Variants in PLCXD1 observed in about 807,000 individuals in gnomAD.
The protein encoded by PLCXD1 is PI-PLC X domain-containing protein 1.
In PLCXD1, 45 loss-of-function variants were observed where a neutral mutation model predicts 37.8. The observed-to-expected ratio is 1.19, with a 90% CI of 0.94 to 1.53. The LOEUF (loss-of-function observed/expected upper bound fraction) is 1.53. Ranked by LOEUF, PLCXD1 falls within the 40% of genes most tolerant of loss-of-function variation. The probability of loss-of-function intolerance (pLI) is 0.00; values close to 1 mark genes in which losing one functional copy is unlikely to be tolerated. For missense variants in PLCXD1, 539 were observed against 454.7 expected (o/e 1.19, Z -1.69); for synonymous variants, 246 against 206.9 (o/e 1.19, Z -1.62).
rs140991275 is a variant in PLCXD1, at chrX:293,130, G to T, written c.645G>T (p.Trp215Cys). The change falls in exon 6 of 7, where the codon TGG becomes TGT. Residue 215 changes from tryptophan to cysteine, a missense_variant. By Grantham distance (215) the Trp-to-Cys change is radical (BLOSUM62 -2). Transcript: ENST00000381657. The part of the protein sequence containing the change: ...ESSLRRHHEL[W>C]PGVPYWWGNR... Reference sequence around the variant, plus strand: ...CCTTGCGCCGGCACCACGAGCTGTGGCCAGGAGTCCCCTACTGGTGGGGAA... The same window carrying T: ...CCTTGCGCCGGCACCACGAGCTGTGTCCAGGAGTCCCCTACTGGTGGGGAA... The T allele has an allele frequency of 6.2e-7, 1 of 1,612,178 alleles. No individual in the cohort carries two copies. Among genetic ancestry groups the T allele is most frequent in the Non-Finnish European group, 8.5e-7 (1 of 1,179,482 alleles).
chrX:300,578 GTATATGTGTTTATACATGTA>G lies in PLCXD1; in HGVS notation c.*1247_*1266del, dbSNP rs2069983641. ...TGCATGTATATGTGTATGTGTACAT[GTATATGTGTTTATACATGTA>G]TATGTGTGTATGCGTGTATACGTGT... is the stretch of plus-strand genomic sequence containing the variant. On this transcript the variant is annotated 3_prime_UTR_variant, in exon 7 of 7. Coordinates refer to ENST00000381657, the MANE Select transcript of PLCXD1 (RefSeq NM_018390.4). 3 of 149,150 alleles carry G rather than the reference GTATATGTGTTTATACATGTA, an allele frequency of 2.0e-5. No homozygotes were observed. Among genetic ancestry groups the G allele is most frequent in the Non-Finnish European group, 3.0e-5 (2 of 67,614 alleles). 9.2% of individuals were successfully genotyped at this position (149,150 alleles called of 1,614,324 possible). A position where few individuals can be genotyped will look rare whatever the true frequency, so the allele number is the denominator to read the frequency against.
chrX:293,083 G>A lies in PLCXD1; in HGVS notation c.598G>A (p.Val200Ile), dbSNP rs758579960. 2.2e-5 allele frequency: 36 copies of A among 1,611,530 alleles called. No individual in the cohort carries two copies. The highest frequency in any genetic ancestry group is 4.3e-4 in the Middle Eastern group (2 of 4,656). Reference protein sequence around the residue: ...QLWSRGQQVIVSYEDESSLRR... With the variant: ...QLWSRGQQVIISYEDESSLRR... ...GTGGTCCCGGGGCCAACAGGTCATC[G>A]TCTCCTATGAAGACGAGAGCTCCTT... is the stretch of plus-strand genomic sequence containing the variant. The change falls in exon 6 of 7, where the codon GTC (valine) becomes ATC (isoleucine). Residue 200 changes from valine to isoleucine, a missense_variant. Physicochemically the swap from Val to Ile is conservative, Grantham distance 29. Transcript: ENST00000381657.
chrX:281,282 A>C (rs1014549999), upstream of PLCXD1: 1 of 175,986 alleles, frequency 5.7e-6, no homozygotes, highest in African/African-American at 2.4e-5. Flanking sequence ...TTGGAGAAAG[A>C]GGCTGAGCTG....
chrX:283,041 A>G (rs976441149), intron 1 of PLCXD1: 5 of 135,038 alleles, frequency 3.7e-5, no homozygotes, highest in Non-Finnish European at 6.2e-5. Flanking sequence ...TAATATGTAT[A>G]TATGTATATA....
upstream of PLCXD1, among the ~76,000 whole-genome samples, chrX:279,559 G>A (rs752890657): frequency 3.9e-5 from 6 of 152,304 alleles, no homozygotes; most frequent in East Asian, 1.2e-3. Context: ...ATCACCTGAA[G>A]TCAGGAGTTC....
intron 5 of PLCXD1, among the ~76,000 whole-genome samples, 159 bp downstream of exon 5, chrX:291,813 C>A (rs754351344): frequency 3.3e-5 from 5 of 152,130 alleles, no homozygotes; most frequent in Non-Finnish European, 7.3e-5. Flanking sequence ...TGTGGGGGGC[C>A]CTGGCTGACC....
chrX:288,175 A>G (rs1452167719), intron 2 of PLCXD1, among the ~76,000 whole-genome samples: 2 of 151,678 alleles, frequency 1.3e-5, no homozygotes, highest in East Asian at 2.0e-4. Context: ...CATCTTGAGC[A>G]TTTTGAGAGC....
chrX:292,653 C>T (rs1226550965), intron 5 of PLCXD1, among the ~76,000 whole-genome samples: 1 of 151,274 alleles, frequency 6.6e-6, no homozygotes, highest in Non-Finnish European at 1.5e-5. Context: ...CGGTCTGTCT[C>T]CCAGGCTGGA....
chrX:292,226 C>T (rs1463942788), intron 5 of PLCXD1, among the ~76,000 whole-genome samples: 7 of 151,896 alleles, frequency 4.6e-5, no homozygotes, highest in East Asian at 1.9e-4. Context: ...GAGGCCGAGG[C>T]GGGCGGATCA....
chrX:282,313 C>T (rs1377752529), intron 1 of PLCXD1, among the ~76,000 whole-genome samples: 12 of 149,894 alleles, frequency 8.0e-5, no homozygotes, highest in East Asian at 2.0e-4. Flanking sequence ...ACCTGGGAGG[C>T]GGAGGTTGCA....
At chrX:291,311 A>C (rs1300568657) in intron 4 of PLCXD1, among the ~76,000 whole-genome samples, 188 bp from the exon 5 acceptor site, 1 of 151,844 alleles carries the variant, frequency 6.6e-6, no homozygotes, top group Non-Finnish European at 1.5e-5. Context: ...ACGCCCAGCT[A>C]ATTTTTGTAT....
chrX:288,790 A>T lies in PLCXD1; in HGVS notation c.185A>T (p.Glu62Val), dbSNP rs764054943. Reference sequence around the variant, plus strand: ...AAGAAGTCCCCCATTTCGCACGAGGAGTCCCGGCTGCTGCAGCTGCTGAAC... The same window carrying T: ...AAGAAGTCCCCCATTTCGCACGAGGTGTCCCGGCTGCTGCAGCTGCTGAAC... ...LNKKSPISHEESRLLQLLNKA... is the reference protein window; with the variant it reads ...LNKKSPISHEVSRLLQLLNKA... The change falls in exon 3 of 7, where the codon GAG becomes GTG. Residue 62 changes from glutamate to valine, a missense_variant. Coordinates refer to ENST00000381657, the MANE Select transcript of PLCXD1 (RefSeq NM_018390.4). 6.2e-7 allele frequency: 1 copy of T among 1,613,772 alleles called. No individual in the cohort carries two copies. The highest frequency in any genetic ancestry group is 8.5e-7 in the Non-Finnish European group (1 of 1,179,688).
chrX:288,950 C>T, intron 3 of PLCXD1, 81 bp downstream of exon 3: 1 of 1,396,196 alleles, frequency 7.2e-7, no homozygotes, highest in South Asian at 1.2e-5. Context: ...AATGGCCCCT[C>T]ACCCAGGTAG....
chrX:279,205 C>T (rs1392965075), upstream of PLCXD1, among the ~76,000 whole-genome samples: 6 of 152,066 alleles, frequency 3.9e-5, no homozygotes, highest in Admixed American at 1.3e-4. Context: ...GGAGAACTCA[C>T]GATAGTAAAA....
intron 3 of PLCXD1, among the ~76,000 whole-genome samples, chrX:289,140 T>G (rs1422394854): frequency 1.3e-5 from 2 of 152,138 alleles, no homozygotes; most frequent in East Asian, 3.9e-4. Flanking sequence ...CGGGCTGGAG[T>G]GCAGTGGCGT....
chrX:299,469 G>A lies in PLCXD1; in HGVS notation c.*134G>A, dbSNP rs2069931477. The A allele has an allele frequency of 1.4e-6, 1 of 740,360 alleles. No homozygotes were observed. The highest frequency in any genetic ancestry group is 2.3e-6 in the Non-Finnish European group (1 of 431,244). 45.9% of individuals were successfully genotyped at this position (740,360 alleles called of 1,614,324 possible). The stretch of plus-strand genomic sequence containing the variant: ...ATACGTTTTCATTTTCTTTAAAATA[G>A]AGATGGGGTGGCTGGGCGTGGTGAC... On this transcript the variant is annotated 3_prime_UTR_variant, in exon 7 of 7. Transcript: ENST00000381657.
In PLCXD1 at chrX:292,967, C is replaced by A. The variant is rs1292857108; in HGVS notation, c.550-68C>A. 4 of 1,115,806 alleles carry A rather than the reference C, an allele frequency of 3.6e-6. No individual in the cohort carries two copies. The African/African-American group carries it at 6.2e-5, about 17-fold the overall frequency. The allele number at this position is 1,115,806 out of a possible 1,614,324, so 69.1% of individuals were successfully genotyped here. A position where few individuals can be genotyped will look rare whatever the true frequency, so the allele number is the denominator to read the frequency against. On this transcript the variant is annotated intron_variant, in intron 5 of 6. Transcript: ENST00000381657. ...TGGGCCGGTGTCCCGACTTCCCAGC[C>A]CTCCGCTCTCCCAGGTGCCCCCGGC...
At chrX:284,562 GCA>G (rs1332868682) in intron 2 of PLCXD1, among the ~76,000 whole-genome samples, 5 of 149,344 alleles carry the variant, frequency 3.3e-5, no homozygotes, top group Non-Finnish European at 1.5e-5. Context: ...GCACACATGT[GCA>G]CACATACACA....
At chrX:285,725 A>C (rs775433562) in intron 2 of PLCXD1, among the ~76,000 whole-genome samples, 1 of 152,198 alleles carries the variant, frequency 6.6e-6, no homozygotes, top group South Asian at 2.1e-4. Flanking sequence ...ACACATGCAC[A>C]CTCACATATA....
Sources: allele counts gnomAD v4.1 joint callset (sites outside exome capture counted in the v4.1 genomes callset), GRCh38; gene constraint gnomAD v4.1.1; transcripts MANE v1.5; gene names NCBI Gene and HGNC (gene_info 2026-07-23, HGNC 2026-07-21).